Variants in GLIS3 observed in about 807,000 individuals in gnomAD.
The protein encoded by GLIS3 is zinc finger protein GLIS3.
A neutral mutation model predicts 78.6 loss-of-function variants in GLIS3; 53 were observed. The ratio of observed to expected loss-of-function variants is 0.67; its 90% CI spans 0.54 to 0.85. The LOEUF is 0.85. Among genes scored for constraint, GLIS3 ranks in the 40% least tolerant of loss-of-function variants. GLIS3 has a pLI of 0.00. For synonymous variants in GLIS3, 684 were observed against 509.9 expected (o/e 1.34, Z -4.60); for missense variants, 1,703 against 1,231.1 (o/e 1.38, Z -5.74).
intron 2 of GLIS3, among the ~76,000 whole-genome samples, chr9:4,160,293 C>G (rs1251356485): frequency 1.3e-5 from 2 of 152,226 alleles, no homozygotes; most frequent in South Asian, 4.1e-4. Flanking sequence ...CACGCTGGCA[C>G]TGACAGGCTT....
At chr9:3,916,317 C>T (rs137927366) in intron 6 of GLIS3, among the ~76,000 whole-genome samples, 1 of 152,322 alleles carries the variant, frequency 6.6e-6, no homozygotes, top group African/African-American at 2.4e-5. Context: ...CACCCCAAGT[C>T]TTCTACCTCC....
chr9:4,216,250 A>G (rs1820822007), intron 2 of GLIS3, among the ~76,000 whole-genome samples: 2 of 152,084 alleles, frequency 1.3e-5, no homozygotes, highest in Non-Finnish European at 2.9e-5. Flanking sequence ...AGGTGGGCAG[A>G]TCATGAGGTC....
chr9:4,311,042 A>G (rs1817343782), intron 2 of GLIS3, among the ~76,000 whole-genome samples: 2 of 152,228 alleles, frequency 1.3e-5, no homozygotes, highest in African/African-American at 4.8e-5. Context: ...TGGGGACTTT[A>G]TAGAAGTGCC....
At chr9:4,366,897 C>G in the GLIS3 span, among the ~76,000 whole-genome samples, 3 of 152,314 alleles carry the variant, frequency 2.0e-5, 1 homozygote, top group Middle Eastern at 0.01. Context: ...ATTACAGGCT[C>G]GTGGAAGACC....
At chr9:3,924,168 T>C (rs1239178498) in intron 6 of GLIS3, among the ~76,000 whole-genome samples, 2 of 152,212 alleles carry the variant, frequency 1.3e-5, no homozygotes, top group African/African-American at 4.8e-5. Flanking sequence ...TGTCTGAGTA[T>C]CTGTATGACC....
intron 2 of GLIS3, among the ~76,000 whole-genome samples, chr9:4,133,336 C>G (rs1222556580): frequency 6.6e-6 from 1 of 152,136 alleles, no homozygotes; most frequent in East Asian, 1.9e-4. Context: ...GTTTTCCAAT[C>G]CAGGATCATG....
chr9:4,301,223 A>T (rs1817058518), upstream of GLIS3, among the ~76,000 whole-genome samples: 2 of 152,172 alleles, frequency 1.3e-5, no homozygotes, highest in African/African-American at 2.4e-5. Flanking sequence ...ACACAAACTC[A>T]TCAGAATATT....
Position 4,299,990 on chromosome 9 carries a change from T to C in GLIS3, c.-668A>G, listed in dbSNP as rs1380775449. ...GCTCTGGGCTGCCCGGGCGGCGCAG[T>C]GTGGACGCGGCTGCAGGGAGAGGGG... On this transcript the variant is annotated 5_prime_UTR_variant, in exon 1 of 11. Coordinates refer to ENST00000381971, the MANE Select transcript of GLIS3 (RefSeq NM_001042413.2). 1 of 150,616 alleles carries C rather than the reference T, an allele frequency of 6.6e-6. No individual in the cohort carries two copies. The highest frequency in any genetic ancestry group is 2.5e-5 in the African/African-American group (1 of 40,710). 9.3% of individuals were successfully genotyped at this position (150,616 alleles called of 1,614,324 possible).
intron 2 of GLIS3, among the ~76,000 whole-genome samples, chr9:4,189,634 T>C (rs559879752): frequency 3.3e-5 from 5 of 152,316 alleles, no homozygotes; most frequent in African/African-American, 9.6e-5. Context: ...AGTCTAAGTC[T>C]CTTTGTAGGT....
At chr9:4,233,798 G>C (rs1035549855) in intron 2 of GLIS3, among the ~76,000 whole-genome samples, 1 of 152,164 alleles carries the variant, frequency 6.6e-6, no homozygotes, top group African/African-American at 2.4e-5. Context: ...TCCAATAGAA[G>C]GCTGTTTTAT....
intron 4 of GLIS3, among the ~76,000 whole-genome samples, chr9:4,059,794 T>A (rs1826470224): frequency 1.2e-5 from 1 of 85,950 alleles, no homozygotes; most frequent in Admixed American, 1.3e-4. Flanking sequence ...TGTCACTTAC[T>A]CAGCTTTATT....
Position 4,068,968 on chromosome 9 carries a change from T to C in GLIS3, c.1710+48800A>G, listed in dbSNP as rs542109552. ...AGGGATTTAAAAAAATCAACCGTAA[T>C]GTAACCCCCTTGCCCTACCCATGGA... On this transcript the variant is annotated intron_variant, in intron 4 of 10. Coordinates refer to ENST00000381971, the MANE Select transcript of GLIS3 (RefSeq NM_001042413.2). 1.8e-4 allele frequency among the ~76,000 whole-genome samples: 27 copies of C among 152,194 alleles called. No individual in the cohort carries two copies. The East Asian group carries it at 5.0e-3, about 28-fold the overall frequency.
chr9:4,213,942 A>C (rs991294264), intron 2 of GLIS3, among the ~76,000 whole-genome samples: 1 of 140,022 alleles, frequency 7.1e-6, no homozygotes, highest in African/African-American at 2.7e-5. Flanking sequence ...AAAAAAAAAA[A>C]CAACTAAAAC....
At chr9:4,382,483 C>G in the GLIS3 span, among the ~76,000 whole-genome samples, 5 of 152,202 alleles carry the variant, frequency 3.3e-5, no homozygotes, top group African/African-American at 1.2e-4. Context: ...GGAAGCCTCT[C>G]TGATTACCTC....
chr9:4,373,813 G>A, the GLIS3 span, among the ~76,000 whole-genome samples: 3 of 151,774 alleles, frequency 2.0e-5, no homozygotes, highest in Non-Finnish European at 4.4e-5. Flanking sequence ...GATTACAGAT[G>A]CGCACAACCA....
chr9:4,110,555 A>G (rs1001840913), intron 4 of GLIS3, among the ~76,000 whole-genome samples: 1 of 152,282 alleles, frequency 6.6e-6, no homozygotes, highest in East Asian at 1.9e-4. Flanking sequence ...TTTCTCACCA[A>G]ACCCCTATCT....
At chr9:4,284,621 T>C (rs1240284338) in intron 2 of GLIS3, among the ~76,000 whole-genome samples, 3 of 150,464 alleles carry the variant, frequency 2.0e-5, no homozygotes, top group Non-Finnish European at 3.0e-5. Flanking sequence ...GAAAAATAAA[T>C]AAATTAAGGC....
chr9:4,199,931 C>CA (rs1819210113), intron 2 of GLIS3, among the ~76,000 whole-genome samples: 2 of 152,014 alleles, frequency 1.3e-5, no homozygotes, highest in Admixed American at 6.6e-5. Context: ...ACAATAAATT[C>CA]AAAAAAATCG....
At chr9:4,090,384 T>C (rs1365642237) in intron 4 of GLIS3, among the ~76,000 whole-genome samples, 1 of 151,462 alleles carries the variant, frequency 6.6e-6, no homozygotes, top group Admixed American at 6.6e-5. Flanking sequence ...AAAAACAAAA[T>C]AAGACTTGGT....
Sources: gnomAD v4.1 joint callset for allele counts (sites outside exome capture counted in the v4.1 genomes callset) on GRCh38, gnomAD v4.1.1 for gene constraint, MANE v1.5 for transcripts, NCBI Gene and HGNC (gene_info 2026-07-23, HGNC 2026-07-21) for gene names.